The following NKAIN3 variants were observed in gnomAD, a reference collection of about 807,000 sequenced individuals.
The protein encoded by NKAIN3 is sodium/potassium-transporting ATPase subunit beta-1-interacting protein 3.
Under a neutral mutation model 30.2 loss-of-function variants are expected in NKAIN3, and 25 were observed. That is an observed-to-expected ratio of 0.83 (90% CI 0.60 to 1.16). The LOEUF (loss-of-function observed/expected upper bound fraction) is 1.16, where lower values mean the gene tolerates loss of function less well. Ranked by LOEUF, NKAIN3 falls within the 50% of genes most tolerant of loss-of-function variation. The probability of loss-of-function intolerance (pLI) is 0.00; values close to 1 mark genes in which losing one functional copy is unlikely to be tolerated. For missense variants in NKAIN3, 225 were observed against 254.1 expected, an observed-to-expected ratio of 0.89 and a Z score of 0.78; for synonymous variants, 91 against 89.6, an observed-to-expected ratio of 1.02 and a Z score of -0.09.
intron 1 of NKAIN3, among the ~76,000 whole-genome samples, chr8:62,429,965 T>G (rs913362706): frequency 6.6e-6 from 1 of 151,882 alleles, no homozygotes; most frequent in Non-Finnish European, 1.5e-5. Flanking sequence ...CTTGTAAAAC[T>G]GAAACAGTAT....
intron 4 of NKAIN3, among the ~76,000 whole-genome samples, chr8:62,832,947 A>G (rs1819242157): frequency 6.6e-6 from 1 of 152,126 alleles, no homozygotes; most frequent in Non-Finnish European, 1.5e-5. Context: ...TCAGCCATAA[A>G]GCAAGTCTCA....
intron 1 of NKAIN3, among the ~76,000 whole-genome samples, chr8:62,299,090 C>T (rs894561655): frequency 6.6e-6 from 1 of 151,860 alleles, no homozygotes; most frequent in African/African-American, 2.4e-5. Flanking sequence ...ATAGCTTTTT[C>T]ATGTTAAATA....
intron 3 of NKAIN3, among the ~76,000 whole-genome samples, chr8:62,621,191 A>G (rs1210874537): frequency 6.6e-6 from 1 of 152,132 alleles, no homozygotes. Flanking sequence ...ATCATTCTGG[A>G]GAGTAGGAAA....
intron 1 of NKAIN3, among the ~76,000 whole-genome samples, chr8:62,498,891 C>G (rs945863655): frequency 6.6e-6 from 1 of 152,054 alleles, no homozygotes; most frequent in African/African-American, 2.4e-5. Flanking sequence ...CTTTGCCATA[C>G]AATATTCCTT....
At position 62,981,511 on chromosome 8, in the gene NKAIN3, CT is replaced by C. The variant is rs1384899164; in HGVS notation, c.*16105del. The stretch of plus-strand genomic sequence containing the variant: ...CACATCAGTTCCTAAAGCAAAATGC[CT>C]GACACAGACTAACAAAGCTCTTTCT... On this transcript the variant is annotated 3_prime_UTR_variant, in exon 7 of 7. Coordinates refer to ENST00000623646, the MANE Select transcript of NKAIN3 (RefSeq NM_001304533.3). The C allele has an allele frequency of 3.9e-5, 6 of 152,092 alleles. No individual in the cohort carries two copies. Among genetic ancestry groups the C allele is most frequent in the Non-Finnish European group, 8.8e-5 (6 of 68,008 alleles). 9.4% of individuals were successfully genotyped at this position (152,092 alleles called of 1,614,324 possible).
intron 1 of NKAIN3, among the ~76,000 whole-genome samples, chr8:62,574,227 C>A (rs949617774): frequency 3.3e-5 from 5 of 152,082 alleles, no homozygotes; most frequent in Admixed American, 2.6e-4. Context: ...GGATCTTATT[C>A]TTTTTATGGT....
At chr8:62,808,314 T>C (rs1359557550) in intron 4 of NKAIN3, among the ~76,000 whole-genome samples, 1 of 152,214 alleles carries the variant, frequency 6.6e-6, no homozygotes, top group East Asian at 1.9e-4. Context: ...TTACTCCGAA[T>C]GTCTTTATTT....
At chr8:62,790,405 A>G (rs1004089657) in intron 4 of NKAIN3, among the ~76,000 whole-genome samples, 15 of 152,148 alleles carry the variant, frequency 9.9e-5, no homozygotes, top group African/African-American at 3.4e-4. Context: ...CTGGCACAAG[A>G]CAGGGATGCC....
intron 1 of NKAIN3, among the ~76,000 whole-genome samples, chr8:62,360,313 G>C (rs534277596): frequency 9.2e-5 from 14 of 152,236 alleles, no homozygotes; most frequent in African/African-American, 3.4e-4. Flanking sequence ...CAAAGCAAAT[G>C]GTATCAGGAT....
chr8:62,930,963 T>A (rs1585589174), intron 5 of NKAIN3, among the ~76,000 whole-genome samples: 1 of 152,338 alleles, frequency 6.6e-6, no homozygotes, highest in East Asian at 1.9e-4. Context: ...CACCTTGGCC[T>A]CCCAAAGTGC....
intron 1 of NKAIN3, among the ~76,000 whole-genome samples, chr8:62,522,509 A>G (rs1407089492): frequency 6.6e-6 from 1 of 152,000 alleles, no homozygotes; most frequent in Non-Finnish European, 1.5e-5. Context: ...CAGGTCCTTC[A>G]GGAGGTACCC....
chr8:62,685,824 TC>T (rs1332334948), intron 3 of NKAIN3, among the ~76,000 whole-genome samples: 1 of 152,204 alleles, frequency 6.6e-6, no homozygotes, highest in African/African-American at 2.4e-5. Context: ...TAAAGTGTTC[TC>T]AGATAATTGG....
intron 4 of NKAIN3, among the ~76,000 whole-genome samples, chr8:62,833,737 G>A (rs557035021): frequency 1.7e-4 from 25 of 150,996 alleles, no homozygotes; most frequent in Non-Finnish European, 3.2e-4. Flanking sequence ...GCCAAGTCCT[G>A]CAAGATGTAC....
At chr8:62,594,278 C>G (rs1810751551) in intron 3 of NKAIN3, among the ~76,000 whole-genome samples, 1 of 151,964 alleles carries the variant, frequency 6.6e-6, no homozygotes, top group Admixed American at 6.6e-5. Context: ...CTAACATAAT[C>G]CTGATACCAC....
intron 3 of NKAIN3, among the ~76,000 whole-genome samples, chr8:62,682,884 G>A (rs1813686164): frequency 6.6e-6 from 1 of 152,032 alleles, no homozygotes; most frequent in African/African-American, 2.4e-5. Flanking sequence ...CAACCTGATG[G>A]TCTTTCTCTA....
At chr8:62,330,285 G>A (rs765124356) in intron 1 of NKAIN3, among the ~76,000 whole-genome samples, 1 of 151,848 alleles carries the variant, frequency 6.6e-6, no homozygotes, top group Non-Finnish European at 1.5e-5. Context: ...AGGAGTTAGA[G>A]GAGAGCCACT....
At chr8:62,500,588 G>A (rs906275779) in intron 1 of NKAIN3, among the ~76,000 whole-genome samples, 2 of 152,044 alleles carry the variant, frequency 1.3e-5, no homozygotes, top group African/African-American at 4.8e-5. Flanking sequence ...TGTGTGGGCC[G>A]ACTGAAAAGA....
intron 4 of NKAIN3, chr8:62,856,978 A>G (rs1042070769): frequency 3.7e-6 from 2 of 533,932 alleles, no homozygotes; most frequent in African/African-American, 2.0e-5. Context: ...AAAACAAACT[A>G]TCTCTTCCTG....
chr8:62,831,936 A>C (rs778399468), intron 4 of NKAIN3, among the ~76,000 whole-genome samples: 7 of 152,154 alleles, frequency 4.6e-5, no homozygotes, highest in Non-Finnish European at 2.9e-5. Context: ...AAGGCCAACG[A>C]TAAAGAACAA....
Sources: gnomAD v4.1 joint callset for allele counts (sites outside exome capture counted in the v4.1 genomes callset) on GRCh38, gnomAD v4.1.1 for gene constraint, MANE v1.5 for transcripts, NCBI Gene and HGNC (gene_info 2026-07-23, HGNC 2026-07-21) for gene names.